The following ACSF2 variants were observed in gnomAD, a reference collection of about 807,000 sequenced individuals.
ACSF2 encodes acyl-CoA synthetase family member 2.
Under a neutral mutation model 79.3 loss-of-function variants are expected in ACSF2, and 52 were observed. That is an observed-to-expected ratio of 0.66 (90% CI 0.53 to 0.83). The LOEUF (loss-of-function observed/expected upper bound fraction) is 0.83, where lower values mean the gene tolerates loss of function less well. ACSF2 is among the 40% of genes least tolerant of loss of function. The probability of loss-of-function intolerance (pLI) is 0.00; values close to 1 mark genes in which losing one functional copy is unlikely to be tolerated. For synonymous variants in ACSF2, 283 were observed against 312.6 expected, an observed-to-expected ratio of 0.91 and a Z score of 1.00; for missense variants, 661 against 803.3, an observed-to-expected ratio of 0.82 and a Z score of 2.14.
At chr17:50,449,142 G>A (rs574803050) in intron 1 of ACSF2, among the ~76,000 whole-genome samples, 35 of 145,970 alleles carry the variant, frequency 2.4e-4, no homozygotes, top group Admixed American at 2.2e-3. Context: ...TCAGCCTCCC[G>A]AGTAGCCGGG....
At chr17:50,430,895 A>G (rs781462042) in intron 1 of ACSF2, among the ~76,000 whole-genome samples, 1 of 152,132 alleles carries the variant, frequency 6.6e-6, no homozygotes, top group Non-Finnish European at 1.5e-5. Context: ...GGCTTGACAC[A>G]TTTTGCATAC....
At chr17:50,427,096 A>G (rs1015583593) in intron 1 of ACSF2, 119 of 1,056,052 alleles carry the variant, frequency 1.1e-4, no homozygotes, top group Non-Finnish European at 1.5e-4. Context: ...CAGGGCTGTT[A>G]GCTTCAGCAG....
intron 1 of ACSF2, among the ~76,000 whole-genome samples, chr17:50,440,881 G>T (rs1430211338): frequency 6.6e-6 from 1 of 152,256 alleles, no homozygotes; most frequent in Non-Finnish European, 1.5e-5. Context: ...TGAGAGAAGA[G>T]GCAGCAAAGA....
chr17:50,448,240 G>A (rs1197209503), intron 1 of ACSF2, among the ~76,000 whole-genome samples: 4 of 152,226 alleles, frequency 2.6e-5, no homozygotes, highest in South Asian at 2.1e-4. Flanking sequence ...GTAAGTAGTC[G>A]TGTATGTGAA....
At chr17:50,440,684 T>A (rs1403921532) in intron 1 of ACSF2, among the ~76,000 whole-genome samples, 1 of 152,238 alleles carries the variant, frequency 6.6e-6, no homozygotes, top group East Asian at 1.9e-4. Flanking sequence ...TCACCTGCAT[T>A]GCCCTGAACC....
intron 1 of ACSF2, among the ~76,000 whole-genome samples, chr17:50,456,575 A>G (rs1010074032): frequency 2.0e-5 from 3 of 151,842 alleles, no homozygotes; most frequent in African/African-American, 7.3e-5. Context: ...TCTACTAAAC[A>G]TGCAAAATTA....
chr17:50,472,768 G>T, intron 12 of ACSF2, 189 bp downstream of exon 12: 1 of 591,932 alleles, frequency 1.7e-6, no homozygotes, highest in South Asian at 3.0e-5. Context: ...GAAAGCAACT[G>T]GGTCATCACC....
Position 50,463,909 on chromosome 17 carries a change from G to A in ACSF2, c.1138G>A (p.Gly380Ser), listed in dbSNP as rs752743919. 5.0e-6 allele frequency: 8 copies of A among 1,614,044 alleles called. No homozygotes were observed. Among genetic ancestry groups the A allele is most frequent in the Non-Finnish European group, 6.8e-6 (8 of 1,179,994 alleles). ...TTATGACATCTCGACCATGTGTGGA[G>A]GTGGGGTGGGGCCAAGGGCAGCCAG... Reference protein sequence around the residue: ...SSYDISTMCGGVIAGSPAPPE... With the variant: ...SSYDISTMCGSVIAGSPAPPE... The change falls in exon 9 of 16, where the codon GGT becomes AGT. Residue 380 changes from glycine (G) to serine (S), a missense_variant and splice_region_variant. Coordinates refer to ENST00000300441, the MANE Select transcript of ACSF2 (RefSeq NM_025149.6). This position sits in a 1 kb window ranked among gnomAD's most constrained non-coding sequence, Gnocchi z 4.6.
chr17:50,436,489 A>G (rs1442717447), intron 1 of ACSF2, among the ~76,000 whole-genome samples: 1 of 150,130 alleles, frequency 6.7e-6, no homozygotes. Flanking sequence ...CTGGAGTGCA[A>G]TGGTGCAATC....
Position 50,463,106 on chromosome 17 carries a change from T to G in ACSF2, c.793-50T>G. On this transcript the variant is annotated intron_variant, in intron 6 of 15. Transcript: ENST00000300441. The surrounding 1 kb of genome is among the most constrained non-coding windows in gnomAD (Gnocchi z 4.6). ...TGCTCTTCAAGGCAGTGGCCCAGGG[T>G]GGGAAGGAGATGAGAAGGAGGCCAA... The G allele has an allele frequency of 2.7e-6, 4 of 1,491,140 alleles. No individual in the cohort carries two copies. Among genetic ancestry groups the G allele is most frequent in the Non-Finnish European group, 3.7e-6 (4 of 1,073,262 alleles). 92.4% of individuals were successfully genotyped at this position (1,491,140 alleles called of 1,614,324 possible).
At position 50,426,395 on chromosome 17, in the gene ACSF2, G is replaced by A; in HGVS notation, c.128+6G>A. ...CAGGGTGTCCGCTTCCTCAGGTACT[G>A]GCCCCCCGCGGGAAGAGAGGGGGCG... On this transcript the variant is annotated splice_donor_region_variant and intron_variant, in intron 1 of 15. Transcript: ENST00000300441. 7.5e-7 allele frequency: 1 copy of A among 1,329,972 alleles called. No homozygotes were observed. The highest frequency in any genetic ancestry group is 9.7e-7 in the Non-Finnish European group (1 of 1,033,186). The allele number at this position is 1,329,972 out of a possible 1,614,324, so 82.4% of individuals were successfully genotyped here.
intron 1 of ACSF2, among the ~76,000 whole-genome samples, chr17:50,450,021 CTCTAAGTGGAGGCCTTT>C (rs1451066610): frequency 6.6e-6 from 1 of 152,232 alleles, no homozygotes; most frequent in South Asian, 2.1e-4. Flanking sequence ...GGGATTGCTT[CTCTAAGTGGAGGCCTTT>C]TCTAAGTGGA....
At chr17:50,436,173 A>G (rs1019041635) in intron 1 of ACSF2, among the ~76,000 whole-genome samples, 9 of 152,052 alleles carry the variant, frequency 5.9e-5, no homozygotes, top group African/African-American at 2.2e-4. Context: ...TCTGTTGCCC[A>G]GGCTGGAGTG....
chr17:50,467,393 G>T (rs982491973), intron 10 of ACSF2, among the ~76,000 whole-genome samples: 2 of 152,196 alleles, frequency 1.3e-5, no homozygotes, highest in African/African-American at 4.8e-5. Context: ...CTTGCATCCT[G>T]GGGGAGCCCT....
intron 1 of ACSF2, among the ~76,000 whole-genome samples, chr17:50,452,986 T>C (rs1323570716): frequency 6.6e-6 from 1 of 152,134 alleles, no homozygotes. Context: ...AGATAGGAGA[T>C]AAATTCCAAA....
chr17:50,430,303 G>A (rs117869774), intron 1 of ACSF2, among the ~76,000 whole-genome samples: 1 of 152,324 alleles, frequency 6.6e-6, no homozygotes, highest in Non-Finnish European at 1.5e-5. Flanking sequence ...TTTGCAGACT[G>A]CAACCGGGAG....
At chr17:50,436,559 G>A (rs905701655) in intron 1 of ACSF2, among the ~76,000 whole-genome samples, 4 of 152,036 alleles carry the variant, frequency 2.6e-5, no homozygotes, top group Admixed American at 1.3e-4. Flanking sequence ...TCAGCCTCCC[G>A]AGTAGCTGGG....
chr17:50,451,603 C>T (rs1729170979), intron 1 of ACSF2, among the ~76,000 whole-genome samples: 2 of 152,200 alleles, frequency 1.3e-5, no homozygotes, highest in South Asian at 4.1e-4. Flanking sequence ...GCACCCATAA[C>T]CACACCCGGC....
At chr17:50,468,825 C>T (rs1407274515) in intron 10 of ACSF2, 1 of 1,508,376 alleles carries the variant, frequency 6.6e-7, no homozygotes, top group Non-Finnish European at 8.8e-7. Context: ...GCTGGGACGC[C>T]TGGGGCCGGG....
Sources: gnomAD v4.1 joint callset for allele counts (sites outside exome capture counted in the v4.1 genomes callset) on GRCh38, gnomAD v4.1.1 for gene constraint, Gnocchi (gnomAD v3.1) non-coding constraint, MANE v1.5 for transcripts, NCBI Gene and HGNC (gene_info 2026-07-23, HGNC 2026-07-21) for gene names.